The following CDC42SE2 variants were observed in gnomAD, a reference collection of about 807,000 sequenced individuals.
CDC42SE2 encodes CDC42 small effector 2.
A neutral mutation model predicts 11.5 loss-of-function variants in CDC42SE2; 3 were observed. That is an observed-to-expected ratio of 0.26 (90% CI 0.12 to 0.67). The LOEUF (loss-of-function observed/expected upper bound fraction) is 0.67, where lower values mean the gene tolerates loss of function less well. CDC42SE2 is among the 30% of genes least tolerant of loss of function. CDC42SE2 has a pLI of 0.80. For missense variants in CDC42SE2, 82 were observed against 106.8 expected, an observed-to-expected ratio of 0.77 and a Z score of 1.02; for synonymous variants, 33 against 34.8, an observed-to-expected ratio of 0.95 and a Z score of 0.18.
intron 1 of CDC42SE2, among the ~76,000 whole-genome samples, chr5:131,293,608 C>CT (rs1757509429): frequency 6.6e-6 from 1 of 151,006 alleles, no homozygotes; most frequent in Non-Finnish European, 1.5e-5. Context: ...CCTCACCAGA[C>CT]TCTGAATCCA....
At chr5:131,333,141 T>C (rs1758462541) in intron 2 of CDC42SE2, among the ~76,000 whole-genome samples, 1 of 152,246 alleles carries the variant, frequency 6.6e-6, no homozygotes, top group African/African-American at 2.4e-5. Flanking sequence ...AATTAATTTT[T>C]GTATAAGGTG....
chr5:131,338,041 G>A (rs1445493173), intron 2 of CDC42SE2, among the ~76,000 whole-genome samples: 2 of 152,224 alleles, frequency 1.3e-5, no homozygotes, highest in African/African-American at 2.4e-5. Flanking sequence ...CATCTTCTGC[G>A]TCGCTCACGC....
At chr5:131,345,661 A>G (rs1758822387) in intron 2 of CDC42SE2, among the ~76,000 whole-genome samples, 1 of 152,118 alleles carries the variant, frequency 6.6e-6, no homozygotes, top group African/African-American at 2.4e-5. Context: ...CCACAAAGAT[A>G]CTCCTCAAGA....
chr5:131,389,743 GC>G (rs1750592081), intron 4 of CDC42SE2, among the ~76,000 whole-genome samples: 1 of 152,178 alleles, frequency 6.6e-6, no homozygotes, highest in African/African-American at 2.4e-5. Flanking sequence ...AATAGATGAT[GC>G]CCCGGTTCCT....
intron 1 of CDC42SE2, among the ~76,000 whole-genome samples, chr5:131,292,926 A>C (rs1227598342): frequency 2.0e-5 from 3 of 150,700 alleles, no homozygotes; most frequent in Non-Finnish European, 4.4e-5. Context: ...AAAAAAAAAA[A>C]AAAAAAAACA....
intron 1 of CDC42SE2, among the ~76,000 whole-genome samples, chr5:131,313,043 C>T (rs1361816076): frequency 2.6e-5 from 4 of 151,590 alleles, no homozygotes; most frequent in African/African-American, 7.3e-5. Context: ...AGTGCAGTGG[C>T]GTGATCTTGG....
chr5:131,278,387 T>C (rs1045747613), intron 1 of CDC42SE2, among the ~76,000 whole-genome samples: 13 of 152,042 alleles, frequency 8.6e-5, no homozygotes, highest in African/African-American at 2.4e-4. Context: ...TAAAAGCCTG[T>C]TTTAGAAAAG....
intron 1 of CDC42SE2, among the ~76,000 whole-genome samples, chr5:131,291,781 C>A (rs1197750951): frequency 2.0e-5 from 3 of 152,046 alleles, no homozygotes; most frequent in Non-Finnish European, 4.4e-5. Flanking sequence ...TAACAAACAC[C>A]ACCCGGGACT....
intron 3 of CDC42SE2, among the ~76,000 whole-genome samples, chr5:131,374,602 T>C (rs1561434089): frequency 6.6e-6 from 1 of 151,206 alleles, no homozygotes; most frequent in Non-Finnish European, 1.5e-5. Context: ...TTTTTTAAGC[T>C]AAGCAAGCCA....
intron 3 of CDC42SE2, among the ~76,000 whole-genome samples, chr5:131,373,859 C>G (rs948120454): frequency 1.3e-5 from 2 of 152,022 alleles, no homozygotes; most frequent in Non-Finnish European, 2.9e-5. Flanking sequence ...AATATGATAG[C>G]TGAAATAAAG....
chr5:131,334,394 A>G (rs988377182), intron 2 of CDC42SE2, among the ~76,000 whole-genome samples: 23 of 152,128 alleles, frequency 1.5e-4, no homozygotes, highest in African/African-American at 4.3e-4. Context: ...TTTTGCATCA[A>G]TGTTCATCAA....
At chr5:131,329,619 C>G (rs955816935) in intron 2 of CDC42SE2, among the ~76,000 whole-genome samples, 3 of 151,918 alleles carry the variant, frequency 2.0e-5, no homozygotes, top group Admixed American at 6.6e-5. Context: ...TAGCTCACAC[C>G]TGTAATCCTA....
chr5:131,260,624 CAA>C (rs34035270), upstream of CDC42SE2, among the ~76,000 whole-genome samples: 237 of 96,352 alleles, frequency 2.5e-3, no homozygotes, highest in African/African-American at 4.3e-3. Context: ...GACGCTCTCT[CAA>C]AAAAAAAAAA....
intron 2 of CDC42SE2, among the ~76,000 whole-genome samples, chr5:131,330,395 GT>G (rs1758396261): frequency 1.3e-5 from 2 of 151,888 alleles, no homozygotes; most frequent in African/African-American, 4.8e-5. Flanking sequence ...TTTTTTTTCT[GT>G]TCCTGATTGT....
At chr5:131,294,663 A>G (rs1266071434) in intron 1 of CDC42SE2, among the ~76,000 whole-genome samples, 2 of 152,180 alleles carry the variant, frequency 1.3e-5, no homozygotes, top group Non-Finnish European at 2.9e-5. Context: ...TATAAATAGG[A>G]TGGCAAAGAA....
chr5:131,334,834 G>C (rs574585667), intron 2 of CDC42SE2, among the ~76,000 whole-genome samples: 53 of 151,552 alleles, frequency 3.5e-4, no homozygotes, highest in African/African-American at 1.2e-3. Context: ...TTTTTTATTG[G>C]GTCTATTTGA....
chr5:131,351,894 A>G (rs533314631), intron 2 of CDC42SE2, among the ~76,000 whole-genome samples: 20 of 152,356 alleles, frequency 1.3e-4, no homozygotes, highest in Admixed American at 3.3e-4. Flanking sequence ...GACCAGGACA[A>G]AATATTCACT....
At chr5:131,243,861 C>A (rs1191084761), upstream of CDC42SE2, among the ~76,000 whole-genome samples, 2 of 152,190 alleles carry the variant, frequency 1.3e-5, no homozygotes, top group African/African-American at 4.8e-5. Flanking sequence ...CTCATATCTG[C>A]AGTTTATACC....
At chr5:131,350,144 A>G (rs1758967378) in intron 2 of CDC42SE2, among the ~76,000 whole-genome samples, 1 of 152,058 alleles carries the variant, frequency 6.6e-6, no homozygotes, top group Non-Finnish European at 1.5e-5. Context: ...TTGACCTAAG[A>G]TACATTTCCT....
Sources: gnomAD v4.1 joint callset for allele counts (sites outside exome capture counted in the v4.1 genomes callset) on GRCh38, gnomAD v4.1.1 for gene constraint, MANE v1.5 for transcripts, NCBI Gene and HGNC (gene_info 2026-07-23, HGNC 2026-07-21) for gene names.